ATF3: variants seen among roughly 807,000 people sequenced by gnomAD.
The protein encoded by ATF3 is cyclic AMP-dependent transcription factor ATF-3.
In ATF3, 10 loss-of-function variants were observed where a neutral mutation model predicts 18.4. The ratio of observed to expected loss-of-function variants is 0.54; its 90% CI spans 0.34 to 0.92. The LOEUF (loss-of-function observed/expected upper bound fraction) is 0.92. ATF3 is among the 40% of genes least tolerant of loss of function. ATF3 has a pLI of 0.02. For missense variants in ATF3, 183 were observed against 222.3 expected (o/e 0.82, Z 1.12); for synonymous variants, 78 against 87.9 (o/e 0.89, Z 0.63).
intron 1 of ATF3, among the ~76,000 whole-genome samples, chr1:212,577,565 A>G (rs1037760283): frequency 7.1e-6 from 1 of 140,350 alleles, no homozygotes; most frequent in Non-Finnish European, 1.6e-5. Context: ...CACCAGCCCC[A>G]CCCCCATCCT....
chr1:212,568,350 A>T (rs1054022154), intron 1 of ATF3, among the ~76,000 whole-genome samples: 1 of 152,214 alleles, frequency 6.6e-6, no homozygotes, highest in Non-Finnish European at 1.5e-5. Flanking sequence ...GTCTTTAATG[A>T]CCAACACAAT....
Position 212,618,018 on chromosome 1 carries a change from G to A in ATF3, c.241-109G>A, listed in dbSNP as rs1368151607. 3.8e-5 allele frequency: 40 copies of A among 1,064,990 alleles called. No homozygotes were observed. Among genetic ancestry groups the A allele is most frequent in the East Asian group, 1.0e-4 (4 of 38,804 alleles). 66.0% of individuals were successfully genotyped at this position (1,064,990 alleles called of 1,614,324 possible). ...CTTTAGTATTTCGGGGTCTTTTAGC[G>A]CTAGCATTGCCCTTGTCTGCCAGCT... On this transcript the variant is annotated intron_variant, in intron 2 of 3. Transcript: ENST00000341491. This position sits in a 1 kb window ranked among gnomAD's most constrained non-coding sequence, Gnocchi z 4.4.
In ATF3 at chr1:212,618,806, G is replaced by A. The variant is rs1558242825; in HGVS notation, c.349-552G>A. On this transcript the variant is annotated intron_variant, in intron 3 of 3. Transcript: ENST00000341491. The surrounding 1 kb of genome is among the most constrained non-coding windows in gnomAD (Gnocchi z 4.4). ...GCTTTTGTGGGCAAGCAGGGTGGCC[G>A]GTGGTGCTCAGCAGTCTTTCCAGTG... The A allele has an allele frequency of 5.1e-6, 3 of 587,368 alleles. No individual in the cohort carries two copies. Among genetic ancestry groups the A allele is most frequent in the African/African-American group, 1.9e-5 (1 of 53,672 alleles). 36.4% of individuals were successfully genotyped at this position (587,368 alleles called of 1,614,324 possible). A position where few individuals can be genotyped will look rare whatever the true frequency, so the allele number is the denominator to read the frequency against.
chr1:212,598,540 T>C (rs1308585039), intron 1 of ATF3, among the ~76,000 whole-genome samples: 1 of 152,254 alleles, frequency 6.6e-6, no homozygotes, highest in African/African-American at 2.4e-5. Context: ...TGCGGTGCTA[T>C]CAATAGTAGG....
At chr1:212,604,730 C>T (rs1036465246), upstream of ATF3, among the ~76,000 whole-genome samples, 12 of 152,164 alleles carry the variant, frequency 7.9e-5, no homozygotes, top group African/African-American at 2.9e-4. Context: ...CCATTCAGGA[C>T]CGTCAGAGCT....
chr1:212,572,291 C>T (rs950449469), intron 1 of ATF3, among the ~76,000 whole-genome samples: 1 of 151,850 alleles, frequency 6.6e-6, no homozygotes, highest in East Asian at 1.9e-4. Context: ...CAGAGGCGGG[C>T]GGATCCCCTG....
In ATF3 at chr1:212,618,177, G is replaced by C. The variant is rs1163991252; in HGVS notation, c.291G>C (p.Lys97Asn). The change falls in exon 3 of 4, where the codon AAG (lysine) becomes AAC (asparagine). Residue 97 changes from lysine to asparagine, a missense_variant. Coordinates refer to ENST00000341491, the MANE Select transcript of ATF3 (RefSeq NM_001674.4). This position sits in a 1 kb window ranked among gnomAD's most constrained non-coding sequence, Gnocchi z 4.4. ...AAAAGAGGCGACGAGAAAGAAATAA[G>C]ATTGCAGCTGCAAAGTGCCGAAACA... ...ERKKRRRERN[K>N]IAAAKCRNKK... 1 of 1,614,060 alleles carries C rather than the reference G, an allele frequency of 6.2e-7. No individual in the cohort carries two copies. The highest frequency in any genetic ancestry group is 8.5e-7 in the Non-Finnish European group (1 of 1,180,024).
intron 1 of ATF3, among the ~76,000 whole-genome samples, chr1:212,573,334 G>A (rs189944757): frequency 1.1e-3 from 167 of 152,086 alleles, no homozygotes; most frequent in Non-Finnish European, 2.0e-3. Context: ...GAATTCTAAT[G>A]TATTTCCTGC....
intron 1 of ATF3, among the ~76,000 whole-genome samples, chr1:212,574,041 A>G (rs1454003040): frequency 1.3e-5 from 2 of 151,458 alleles, no homozygotes; most frequent in Non-Finnish European, 3.0e-5. Flanking sequence ...CTATATCCTA[A>G]TTCAGTTAGT....
Position 212,567,005 on chromosome 1 carries a change from G to C in ATF3, c.-5+1522G>C, listed in dbSNP as rs61830686. 4.5e-3 allele frequency among the ~76,000 whole-genome samples: 679 copies of C among 152,322 alleles called. 4 individuals are homozygous for C. Among genetic ancestry groups the C allele is most frequent in the Non-Finnish European group, 7.2e-3 (491 of 68,026 alleles). ...TTCCTGTTTATTCTTCACATAAACAGATTAACCTAGGGGTAGCGATTTTAC... is the reference window on the plus strand; with the variant it reads ...TTCCTGTTTATTCTTCACATAAACACATTAACCTAGGGGTAGCGATTTTAC... On this transcript the variant is annotated intron_variant, in intron 1 of 3. Transcript: ENST00000366981.
chr1:212,572,451 G>T (rs547999304), intron 1 of ATF3, among the ~76,000 whole-genome samples: 3 of 152,240 alleles, frequency 2.0e-5, no homozygotes, highest in Admixed American at 2.0e-4. Context: ...CCCGGGAGGC[G>T]GAGGTTGCAG....
upstream of ATF3, among the ~76,000 whole-genome samples, chr1:212,607,578 G>A (rs990902841): frequency 2.0e-5 from 3 of 152,270 alleles, no homozygotes; most frequent in Non-Finnish European, 4.4e-5. Context: ...TGAGGGCAGA[G>A]GGGATTTCTG....
At chr1:212,605,618 T>A (rs1324762976), upstream of ATF3, among the ~76,000 whole-genome samples, 2 of 152,246 alleles carry the variant, frequency 1.3e-5, no homozygotes, top group African/African-American at 4.8e-5. Flanking sequence ...CCTTTAAATA[T>A]CTCAAACTTT....
intron 1 of ATF3, among the ~76,000 whole-genome samples, chr1:212,574,094 G>T (rs1351305359): frequency 6.6e-6 from 1 of 151,036 alleles, no homozygotes; most frequent in Non-Finnish European, 1.5e-5. Flanking sequence ...GATTTCTTAG[G>T]GATTTTGTTG....
chr1:212,602,202 T>C (rs576251713), intron 1 of ATF3, among the ~76,000 whole-genome samples: 2 of 152,280 alleles, frequency 1.3e-5, no homozygotes, highest in Admixed American at 1.3e-4. Flanking sequence ...CACCATCCCC[T>C]TTTCAGCCCC....
In ATF3 at chr1:212,618,310, A is replaced by C. The variant is rs1655221480; in HGVS notation, c.348+76A>C. Reference sequence around the variant, plus strand: ...AGCTTCATGTGGCTATCAGAAGAAGAGTTAGAAAACCCCCTACTTGGTTAT... The same window carrying C: ...AGCTTCATGTGGCTATCAGAAGAAGCGTTAGAAAACCCCCTACTTGGTTAT... On this transcript the variant is annotated intron_variant, in intron 3 of 3. Coordinates refer to ENST00000341491, the MANE Select transcript of ATF3 (RefSeq NM_001674.4). The surrounding 1 kb of genome is among the most constrained non-coding windows in gnomAD (Gnocchi z 4.4). 6.8e-7 allele frequency: 1 copy of C among 1,463,762 alleles called. No individual in the cohort carries two copies. Among genetic ancestry groups the C allele is most frequent in the African/African-American group, 1.4e-5 (1 of 72,052 alleles). The allele number at this position is 1,463,762 out of a possible 1,614,324, so 90.7% of individuals were successfully genotyped here.
upstream of ATF3, among the ~76,000 whole-genome samples, chr1:212,604,735 A>G (rs1181556269): frequency 4.6e-5 from 7 of 152,212 alleles, no homozygotes; most frequent in African/African-American, 1.7e-4. Context: ...CAGGACCGTC[A>G]GAGCTCAGCC....
chr1:212,615,615 G>A (rs1420497446), intron 2 of ATF3, among the ~76,000 whole-genome samples: 1 of 151,800 alleles, frequency 6.6e-6, no homozygotes, highest in Non-Finnish European at 1.5e-5. Context: ...TTTGAGACCA[G>A]CCTGGGCAAC....
chr1:212,571,506 C>G (rs1029899158), intron 1 of ATF3, among the ~76,000 whole-genome samples: 1 of 151,744 alleles, frequency 6.6e-6, no homozygotes, highest in Non-Finnish European at 1.5e-5. Context: ...CTCCCAGGTT[C>G]AAGCAATGCT....
Sources: gnomAD v4.1 joint callset for allele counts (sites outside exome capture counted in the v4.1 genomes callset) on GRCh38, gnomAD v4.1.1 for gene constraint, Gnocchi (gnomAD v3.1) non-coding constraint, MANE v1.5 for transcripts, NCBI Gene and HGNC (gene_info 2026-07-23, HGNC 2026-07-21) for gene names.